Variants in RTL9 observed in about 807,000 individuals in gnomAD.
RTL9 encodes the protein retrotransposon Gag like 9.
Under a neutral mutation model 44.7 loss-of-function variants are expected in RTL9, and 19 were observed. That is an observed-to-expected ratio of 0.42 (90% CI 0.30 to 0.62). RTL9 has a LOEUF of 0.62. RTL9 is among the 20% of genes least tolerant of loss of function. The pLI is 0.16. For missense variants in RTL9, 1,105 were observed against 1,080.6 expected (o/e 1.02, Z -0.32); for synonymous variants, 407 against 398.9 (o/e 1.02, Z -0.24).
chrX:110,451,364 T>C, exon 1 of RTL9: 5 of 1,211,691 alleles, frequency 4.1e-6, no homozygotes, highest in Non-Finnish European at 5.6e-6. Flanking sequence ...TAATGACTGC[T>C]CTAGCCTCTG....
At chrX:110,453,602 T>C in exon 1 of RTL9, 1 of 1,212,045 alleles carries the variant, frequency 8.3e-7, no homozygotes, top group Non-Finnish European at 1.1e-6. Context: ...AAACCAGTGT[T>C]GCGAACTCTA....
At chrX:110,393,790 C>T (rs887953823) in intron 1 of RTL9, among the ~76,000 whole-genome samples, 2 of 112,708 alleles carry the variant, frequency 1.8e-5, no homozygotes, top group Admixed American at 9.3e-5. Context: ...GGCGTCCTGA[C>T]CAGGGTGGTT....
chrX:110,388,007 G>A (rs1225507047), intron 1 of RTL9, among the ~76,000 whole-genome samples: 8 of 109,377 alleles, frequency 7.3e-5, no homozygotes, highest in African/African-American at 2.3e-4. Context: ...GACAACAGGC[G>A]CCCGCCATCA....
At chrX:110,405,390 A>T (rs1030542042) in intron 1 of RTL9, among the ~76,000 whole-genome samples, 3 of 111,237 alleles carry the variant, frequency 2.7e-5, no homozygotes, top group Non-Finnish European at 3.8e-5. Flanking sequence ...AGCCAAATTA[A>T]CCTGGGAGGA....
exon 1 of RTL9, chrX:110,452,860 C>G: frequency 8.3e-7 from 1 of 1,211,254 alleles, no homozygotes; most frequent in Non-Finnish European, 1.1e-6. Context: ...CAGATGAATT[C>G]CCCAACCTCT....
exon 1 of RTL9, chrX:110,451,157 T>C (rs752863409): frequency 3.3e-6 from 4 of 1,210,521 alleles, no homozygotes; most frequent in Non-Finnish European, 4.5e-6. Flanking sequence ...TGTGTACACC[T>C]ATAATGAGCA....
At chrX:110,414,704 C>T (rs190978590), upstream of RTL9, among the ~76,000 whole-genome samples, 4,289 of 112,456 alleles carry the variant, frequency 0.038, 214 homozygotes, top group African/African-American at 0.13. Flanking sequence ...TTACCTATCT[C>T]ATGCCCTACA....
In RTL9 at chrX:110,455,251, C is replaced by T. The variant is rs1283214166; in HGVS notation, c.4097C>T (p.Pro1366Leu). The stretch of plus-strand genomic sequence containing the variant: ...TACTACCTGAAAGAGCATGGAGACC[C>T]CCAAGAAGGTCTTCATGATCACCTT... Residue 1366 changes from proline to leucine, a missense_variant, in exon 2 of 2, where the codon CCC (proline) becomes CTC (leucine). Pro to Leu is a moderately conservative substitution (Grantham distance 98). Transcript: ENST00000540313. 1 of 1,209,389 alleles carries T rather than the reference C, an allele frequency of 8.3e-7. No homozygotes were observed. Among genetic ancestry groups the T allele is most frequent in the Admixed American group, 2.2e-5 (1 of 45,929 alleles).
Position 110,401,987 on chromosome X carries a change from A to G in RTL9, c.-168+43071A>G, listed in dbSNP as rs528073851. ...TGTTTCTCTTTTCCTCTTCTCACCA[A>G]CAAGTCTCTTTCTTCAAAGTCTCCC... On this transcript the variant is annotated intron_variant, in intron 1 of 2. Transcript: ENST00000520821. Among the ~76,000 whole-genome samples the G allele has an allele frequency of 2.7e-5, 3 of 112,105 alleles. No individual in the cohort carries two copies. In the South Asian group the frequency reaches 1.1e-3, roughly 42 times the overall value.
At chrX:110,385,107 T>G (rs2068445990) in intron 1 of RTL9, among the ~76,000 whole-genome samples, 1 of 111,376 alleles carries the variant, frequency 9.0e-6, no homozygotes, top group Non-Finnish European at 1.9e-5. Context: ...CCAGATGGCC[T>G]GAATTTGAAT....
intron 1 of RTL9, among the ~76,000 whole-genome samples, chrX:110,433,119 C>T (rs1212445617): frequency 8.9e-6 from 1 of 112,399 alleles, no homozygotes; most frequent in Non-Finnish European, 1.9e-5. Context: ...GCTGTGGCTC[C>T]AAGACCTGCC....
chrX:110,389,267 A>T (rs746833186), intron 1 of RTL9, among the ~76,000 whole-genome samples: 1 of 112,830 alleles, frequency 8.9e-6, no homozygotes, highest in South Asian at 3.7e-4. Context: ...TTGACCAAAG[A>T]TCCTTCGTTA....
chrX:110,428,059 T>C (rs1466138664), intron 1 of RTL9, among the ~76,000 whole-genome samples: 2 of 112,393 alleles, frequency 1.8e-5, no homozygotes, highest in Non-Finnish European at 3.8e-5. Context: ...TGTTCTTCTC[T>C]GGTTAGTTGT....
At chrX:110,432,510 T>C (rs1167948975) in intron 1 of RTL9, among the ~76,000 whole-genome samples, 1 of 111,959 alleles carries the variant, frequency 8.9e-6, no homozygotes, top group Admixed American at 9.4e-5. Flanking sequence ...TGAGGCAGCG[T>C]TGGGGGCCGT....
At chrX:110,377,596 G>T (rs2068386054) in intron 1 of RTL9, among the ~76,000 whole-genome samples, 1 of 111,970 alleles carries the variant, frequency 8.9e-6, no homozygotes, top group South Asian at 3.8e-4. Context: ...ACTCAGGACT[G>T]GTGGAACATT....
intron 1 of RTL9, among the ~76,000 whole-genome samples, chrX:110,373,000 A>G (rs1352356740): frequency 8.9e-6 from 1 of 112,411 alleles, no homozygotes; most frequent in Non-Finnish European, 1.9e-5. Flanking sequence ...AATAATAACA[A>G]ATCTTATTTA....
chrX:110,395,714 T>A (rs1296285786), intron 1 of RTL9, among the ~76,000 whole-genome samples: 1 of 111,122 alleles, frequency 9.0e-6, no homozygotes, highest in Non-Finnish European at 1.9e-5. Context: ...GGGAGTGAGA[T>A]GGCAATTTGC....
At chrX:110,404,835 T>A (rs1396958201) in intron 1 of RTL9, among the ~76,000 whole-genome samples, 1 of 111,793 alleles carries the variant, frequency 8.9e-6, no homozygotes, top group Non-Finnish European at 1.9e-5. Context: ...CGATTTTTCT[T>A]GGCATAAGTA....
At chrX:110,366,581 T>C (rs530859004) in intron 1 of RTL9, among the ~76,000 whole-genome samples, 4 of 111,470 alleles carry the variant, frequency 3.6e-5, no homozygotes, top group Admixed American at 1.9e-4. Flanking sequence ...AGCCCCCTAG[T>C]GTCTCCATTT....
Sources: gnomAD v4.1 joint callset for allele counts (sites outside exome capture counted in the v4.1 genomes callset) on GRCh38, gnomAD v4.1.1 for gene constraint, MANE v1.5 for transcripts, NCBI Gene and HGNC (gene_info 2026-07-23, HGNC 2026-07-21) for gene names.